RSRC1: variants seen among roughly 807,000 people sequenced by gnomAD.
RSRC1 encodes the protein serine/Arginine-related protein 53.
In RSRC1, 39 loss-of-function variants were observed where a neutral mutation model predicts 49.1. That is an observed-to-expected ratio of 0.79 (90% confidence interval 0.61 to 1.04). The LOEUF is 1.04. RSRC1 is among the 50% of genes least tolerant of loss of function. RSRC1 has a pLI of 0.00. For missense variants in RSRC1, 388 were observed against 402.4 expected, an observed-to-expected ratio of 0.96 and a Z score of 0.31; for synonymous variants, 143 against 130.8, an observed-to-expected ratio of 1.09 and a Z score of -0.63.
chr3:158,503,943 C>T (rs1739730407), intron 7 of RSRC1, among the ~76,000 whole-genome samples: 1 of 152,200 alleles, frequency 6.6e-6, no homozygotes, highest in Non-Finnish European at 1.5e-5. Flanking sequence ...AAATTTCCTT[C>T]TCCCTGTGGT....
At chr3:158,369,495 A>G (rs1731952419) in intron 6 of RSRC1, among the ~76,000 whole-genome samples, 1 of 152,108 alleles carries the variant, frequency 6.6e-6, no homozygotes, top group Non-Finnish European at 1.5e-5. Flanking sequence ...AGACTGTATG[A>G]TTTTAGTCTG....
chr3:158,528,181 G>C (rs1250600839), intron 7 of RSRC1, among the ~76,000 whole-genome samples: 1 of 151,936 alleles, frequency 6.6e-6, no homozygotes, highest in Non-Finnish European at 1.5e-5. Flanking sequence ...CAAAGCATTA[G>C]TTTGGATTTT....
At chr3:158,324,740 A>G (rs1277458594) in intron 5 of RSRC1, among the ~76,000 whole-genome samples, 2 of 152,176 alleles carry the variant, frequency 1.3e-5, no homozygotes, top group Admixed American at 6.5e-5. Context: ...TCCTTTGGGT[A>G]TATACCCAGT....
chr3:158,451,359 A>G (rs1191981853), intron 6 of RSRC1, among the ~76,000 whole-genome samples: 1 of 151,852 alleles, frequency 6.6e-6, no homozygotes, highest in South Asian at 2.1e-4. Context: ...TATTATAACT[A>G]TTATTATATA....
At chr3:158,471,224 T>A (rs1261312466) in intron 7 of RSRC1, among the ~76,000 whole-genome samples, 3 of 152,200 alleles carry the variant, frequency 2.0e-5, no homozygotes, top group African/African-American at 7.2e-5. Context: ...GTCTGCAGTA[T>A]GATAAGTAGA....
intron 4 of RSRC1, among the ~76,000 whole-genome samples, chr3:158,228,753 A>T (rs570702567): frequency 6.6e-6 from 1 of 151,262 alleles, no homozygotes; most frequent in Non-Finnish European, 1.5e-5. Context: ...TGTTGTTTAT[A>T]TATGTGTGTG....
chr3:158,202,614 A>C (rs555989388), intron 3 of RSRC1, among the ~76,000 whole-genome samples: 45 of 127,588 alleles, frequency 3.5e-4, no homozygotes, highest in Admixed American at 1.1e-3. Flanking sequence ...AACCTGAAAT[A>C]ATTACTTCTT....
intron 8 of RSRC1, among the ~76,000 whole-genome samples, chr3:158,543,058 G>C (rs574645725): frequency 1.3e-5 from 2 of 151,860 alleles, no homozygotes; most frequent in East Asian, 3.9e-4. Flanking sequence ...TTTTCTATTT[G>C]TTATTCCTAA....
intron 7 of RSRC1, among the ~76,000 whole-genome samples, chr3:158,517,965 A>C (rs1740667281): frequency 6.7e-6 from 1 of 149,072 alleles, no homozygotes; most frequent in Admixed American, 6.7e-5. Context: ...TTATATTAAT[A>C]TATCTTCTGT....
intron 7 of RSRC1, among the ~76,000 whole-genome samples, chr3:158,481,030 A>G (rs191778530): frequency 4.0e-4 from 61 of 152,168 alleles, no homozygotes; most frequent in Admixed American, 2.4e-3. Context: ...GCTTTCAGAA[A>G]TGACCTGCAG....
At chr3:158,276,238 A>G (rs1244817748) in intron 4 of RSRC1, 5 of 773,272 alleles carry the variant, frequency 6.5e-6, no homozygotes, top group South Asian at 2.7e-5. Flanking sequence ...CGAATCCTAT[A>G]TATAATGTAA....
At chr3:158,116,117 G>A (rs140944791) in intron 1 of RSRC1, among the ~76,000 whole-genome samples, 2 of 152,176 alleles carry the variant, frequency 1.3e-5, no homozygotes, top group Non-Finnish European at 1.5e-5. Flanking sequence ...CGATGATCTC[G>A]GAAGTTTTTA....
At chr3:158,402,180 T>G (rs1233140562) in intron 6 of RSRC1, among the ~76,000 whole-genome samples, 2 of 151,944 alleles carry the variant, frequency 1.3e-5, no homozygotes, top group African/African-American at 4.8e-5. Context: ...CCATCATTCA[T>G]TTGACATATG....
intron 4 of RSRC1, among the ~76,000 whole-genome samples, chr3:158,207,670 G>C (rs62286870): frequency 0.28 from 18,750 of 67,092 alleles, 1,427 homozygotes; most frequent in Middle Eastern, 0.39. Context: ...GATAGACAGA[G>C]AGACAGACAG....
At chr3:158,233,428 T>C (rs888029391) in intron 4 of RSRC1, among the ~76,000 whole-genome samples, 4 of 152,122 alleles carry the variant, frequency 2.6e-5, no homozygotes, top group Admixed American at 6.6e-5. Context: ...CTGATTGTTA[T>C]GAGAGTTAAG....
intron 4 of RSRC1, among the ~76,000 whole-genome samples, chr3:158,284,167 T>C (rs2108083176): frequency 6.6e-6 from 1 of 151,846 alleles, no homozygotes; most frequent in South Asian, 2.1e-4. Flanking sequence ...CTTGCGATAG[T>C]TTACTGAGAA....
intron 3 of RSRC1, among the ~76,000 whole-genome samples, chr3:158,197,660 T>C (rs1367631449): frequency 6.6e-6 from 1 of 152,206 alleles, no homozygotes. Flanking sequence ...CACACTGCTT[T>C]GAATGTGTCC....
intron 4 of RSRC1, among the ~76,000 whole-genome samples, chr3:158,295,434 C>T (rs844119): frequency 0.48 from 72,351 of 151,862 alleles, 17,780 homozygotes; most frequent in East Asian, 0.64. Flanking sequence ...ATTAAGTTTA[C>T]ATTTTATAAA....
chr3:158,398,297 A>G (rs1733713278), intron 6 of RSRC1, among the ~76,000 whole-genome samples: 1 of 152,110 alleles, frequency 6.6e-6, no homozygotes, highest in African/African-American at 2.4e-5. Context: ...GGTCCACGAT[A>G]TAGGCACCAG....
Sources: gnomAD v4.1 joint callset for allele counts (sites outside exome capture counted in the v4.1 genomes callset) on GRCh38, gnomAD v4.1.1 for gene constraint, MANE v1.5 for transcripts, NCBI Gene and HGNC (gene_info 2026-07-23, HGNC 2026-07-21) for gene names.